The following PDGFRL variants were observed in gnomAD, a reference collection of about 807,000 sequenced individuals.
PDGFRL encodes platelet derived growth factor receptor like.
In PDGFRL, 46 loss-of-function variants were observed where a neutral mutation model predicts 37.2. The observed-to-expected ratio is 1.24, with a 90% CI of 0.98 to 1.58. The LOEUF is 1.58. Among genes scored for constraint, PDGFRL ranks in the 40% most tolerant of loss-of-function variants. The pLI is 0.00. For missense variants in PDGFRL, 692 were observed against 467.6 expected (o/e 1.48, Z -4.43); for synonymous variants, 251 against 184.3 (o/e 1.36, Z -2.93).
intron 4 of PDGFRL, among the ~76,000 whole-genome samples, chr8:17,630,638 C>T (rs941759112): frequency 2.6e-5 from 4 of 152,174 alleles, no homozygotes; most frequent in Non-Finnish European, 4.4e-5. Flanking sequence ...CGCTCCCCTC[C>T]CCTCCCCTCC....
rs544283024 is a variant in PDGFRL at position 17,600,826 on chromosome 8, C to T, written c.353+11061C>T. Among the ~76,000 whole-genome samples the T allele has an allele frequency of 1.3e-4, 12 of 93,156 alleles. No individual in the cohort carries two copies. In the South Asian group the frequency reaches 3.3e-3, roughly 26 times the overall value. The allele number at this position is 93,156 out of a possible 152,430, so 61.1% of individuals were successfully genotyped here. Reference sequence around the variant, plus strand: ...CTAAAAAAAAAAAACAAAAAAACCTCTAAAAATTAGCCAGGCATAGTAGTG... The same window carrying T: ...CTAAAAAAAAAAAACAAAAAAACCTTTAAAAATTAGCCAGGCATAGTAGTG... On this transcript the variant is annotated intron_variant, in intron 2 of 5. Coordinates refer to ENST00000251630, the MANE Select transcript of PDGFRL (RefSeq NM_001372073.1).
chr8:17,627,138 A>G (rs986676063), intron 3 of PDGFRL, among the ~76,000 whole-genome samples: 1 of 152,164 alleles, frequency 6.6e-6, no homozygotes, highest in Admixed American at 6.5e-5. Context: ...GCTGGCAGTT[A>G]CTGACTGTGG....
chr8:17,597,964 T>A (rs1226239734), intron 2 of PDGFRL, among the ~76,000 whole-genome samples: 1 of 151,296 alleles, frequency 6.6e-6, no homozygotes, highest in Non-Finnish European at 1.5e-5. Context: ...TCCATCAATG[T>A]TATATAGCAT....
chr8:17,616,923 A>G (rs1404724551), intron 2 of PDGFRL, among the ~76,000 whole-genome samples: 1 of 152,158 alleles, frequency 6.6e-6, no homozygotes, highest in Non-Finnish European at 1.5e-5. Flanking sequence ...CCCCACTACT[A>G]TTAACTGGCC....
At chr8:17,639,762 G>T (rs780643671) in intron 5 of PDGFRL, among the ~76,000 whole-genome samples, 1 of 152,242 alleles carries the variant, frequency 6.6e-6, no homozygotes, top group East Asian at 1.9e-4. Context: ...CCTAGGTGAC[G>T]ATCTTTTTGC....
intron 2 of PDGFRL, among the ~76,000 whole-genome samples, chr8:17,603,616 T>A (rs1327094834): frequency 6.6e-6 from 1 of 152,198 alleles, no homozygotes; most frequent in Non-Finnish European, 1.5e-5. Context: ...TCCTCTGCCC[T>A]GTTCCTTTCT....
chr8:17,589,838 AT>A, intron 2 of PDGFRL, 73 bp downstream of exon 2: 1 of 874,004 alleles, frequency 1.1e-6, no homozygotes, highest in Non-Finnish European at 1.8e-6. Context: ...CTTAACTATT[AT>A]TACACATTGT....
chr8:17,597,146 G>A (rs147312827), intron 2 of PDGFRL, among the ~76,000 whole-genome samples: 94 of 152,186 alleles, frequency 6.2e-4, no homozygotes, highest in African/African-American at 2.1e-3. Flanking sequence ...TCAGCCTCCC[G>A]AGTAGCTGAT....
chr8:17,640,354 G>A (rs1805065963), intron 5 of PDGFRL, among the ~76,000 whole-genome samples: 1 of 152,130 alleles, frequency 6.6e-6, no homozygotes, highest in Non-Finnish European at 1.5e-5. Context: ...AAAGAAACTT[G>A]TTTTGAAATA....
intron 2 of PDGFRL, among the ~76,000 whole-genome samples, chr8:17,604,427 C>G (rs1437699369): frequency 6.6e-6 from 1 of 152,100 alleles, no homozygotes; most frequent in African/African-American, 2.4e-5. Context: ...GAGTTCATGT[C>G]CTTTGTAGGG....
rs1423882705 is a variant in PDGFRL, at chr8:17,642,755, A to G, written c.1082A>G (p.Asn361Ser). 6.2e-7 allele frequency: 1 copy of G among 1,611,650 alleles called. No individual in the cohort carries two copies. Among genetic ancestry groups the G allele is most frequent in the Admixed American group, 1.7e-5 (1 of 60,028 alleles). Residue 361 changes from asparagine (N) to serine (S), a missense_variant, in exon 6 of 6, where the codon AAT becomes AGT. Physicochemically the swap from Asn to Ser is conservative, Grantham distance 46 (BLOSUM62 1). Coordinates refer to ENST00000251630, the MANE Select transcript of PDGFRL (RefSeq NM_001372073.1). ...GGATATTACATTTGCACTGCTCAGA[A>G]TCTTCAAGGACAGACCACAGTAGCT... ...DAGYYICTAQNLQGQTTVATT... is the reference protein window; with the variant it reads ...DAGYYICTAQSLQGQTTVATT...
chr8:17,610,817 G>A lies in PDGFRL; in HGVS notation c.354-10234G>A, dbSNP rs181779737. On this transcript the variant is annotated intron_variant, in intron 2 of 5. Coordinates refer to ENST00000251630, the MANE Select transcript of PDGFRL (RefSeq NM_001372073.1). ...TCTCAGGTACTCAGGAGGCTGAGGC[G>A]GGAGATTCCCTTGAACCCAGGAGGC... 4.6e-5 allele frequency among the ~76,000 whole-genome samples: 7 copies of A among 152,096 alleles called. No individual in the cohort carries two copies. In the East Asian group the frequency reaches 9.7e-4, roughly 21 times the overall value.
chr8:17,606,606 G>A (rs2517192), intron 2 of PDGFRL, among the ~76,000 whole-genome samples: 141,279 of 152,220 alleles, frequency 0.93, 66,272 homozygotes, highest in East Asian at 1. Context: ...AGAGATGGGT[G>A]GGTGGAGGCT....
intron 2 of PDGFRL, among the ~76,000 whole-genome samples, chr8:17,614,794 C>T (rs773227490): frequency 6.6e-6 from 1 of 152,186 alleles, no homozygotes; most frequent in Non-Finnish European, 1.5e-5. Context: ...CCAACAGAGG[C>T]AGCACAGAGC....
intron 2 of PDGFRL, among the ~76,000 whole-genome samples, chr8:17,615,476 T>G (rs191903025): frequency 5.8e-4 from 89 of 152,302 alleles, no homozygotes; most frequent in African/African-American, 2.1e-3. Flanking sequence ...GACACTAGAT[T>G]AGATGCTCTG....
chr8:17,615,780 T>C (rs556232557), intron 2 of PDGFRL, among the ~76,000 whole-genome samples: 32 of 152,262 alleles, frequency 2.1e-4, no homozygotes, highest in Admixed American at 2.1e-3. Context: ...TAGCCGGATG[T>C]GGTGGCACAT....
intron 2 of PDGFRL, among the ~76,000 whole-genome samples, chr8:17,612,922 C>T (rs1563519533): frequency 6.6e-6 from 1 of 151,998 alleles, no homozygotes; most frequent in African/African-American, 2.4e-5. Context: ...TATTCTATCT[C>T]TTTTATGATT....
intron 1 of PDGFRL, among the ~76,000 whole-genome samples, chr8:17,583,476 G>A (rs1223919772): frequency 1.3e-5 from 2 of 152,060 alleles, no homozygotes; most frequent in Non-Finnish European, 2.9e-5. Flanking sequence ...GGACTTTTGA[G>A]TTGATGCTGG....
At position 17,604,043 on chromosome 8, in the gene PDGFRL, G is replaced by A. The variant is rs192274908; in HGVS notation, c.353+14278G>A. On this transcript the variant is annotated intron_variant, in intron 2 of 5. Coordinates refer to ENST00000251630, the MANE Select transcript of PDGFRL (RefSeq NM_001372073.1). ...AGGAGGAGAGATGATGATGGGAGGTGAGGCAGACCATGGAGGGCCTTGTTG... is the reference window on the plus strand; with the variant it reads ...AGGAGGAGAGATGATGATGGGAGGTAAGGCAGACCATGGAGGGCCTTGTTG... Among the ~76,000 whole-genome samples, 707 of 152,266 alleles carry A rather than the reference G, an allele frequency of 4.6e-3. 6 individuals are homozygous for A. Among genetic ancestry groups the A allele is most frequent in the African/African-American group, 0.016 (680 of 41,546 alleles).
Sources: gnomAD v4.1 joint callset for allele counts (sites outside exome capture counted in the v4.1 genomes callset) on GRCh38, gnomAD v4.1.1 for gene constraint, MANE v1.5 for transcripts, NCBI Gene and HGNC (gene_info 2026-07-23, HGNC 2026-07-21) for gene names.